The following MYO1G variants were observed in gnomAD, a reference collection of about 807,000 sequenced individuals.
MYO1G encodes the protein unconventional myosin-Ig.
MYO1G carries 65 observed loss-of-function variants against 115.3 expected under a neutral mutation model. The ratio of observed to expected loss-of-function variants is 0.56; its 90% CI spans 0.46 to 0.69. The LOEUF (loss-of-function observed/expected upper bound fraction) is 0.69. MYO1G is among the 30% of genes least tolerant of loss of function. The probability of loss-of-function intolerance (pLI) is 0.00; values close to 1 mark genes in which losing one functional copy is unlikely to be tolerated. For synonymous variants in MYO1G, 510 were observed against 552.6 expected, an observed-to-expected ratio of 0.92 and a Z score of 1.08; for missense variants, 1,204 against 1,393.5, an observed-to-expected ratio of 0.86 and a Z score of 2.16.
rs776693838 is a variant in MYO1G, at chr7:44,962,814, C to G, written c.2982G>C (p.Glu994Asp). The change falls in exon 22 of 22, where the codon GAG (glutamate) becomes GAC (aspartate). Residue 994 changes from glutamate (E) to aspartate (D), a missense_variant. Transcript: ENST00000258787. This position sits in a 1 kb window ranked among gnomAD's most constrained non-coding sequence, Gnocchi z 5.3. The part of the protein sequence containing the change: ...HRGVRRLISV[E>D]PRPEQPEPDF... ...CGGGCTCTGGCTGCTCCGGCCTGGG[C>G]TCCACGGAGATGAGGCGCCGGACCC... The G allele has an allele frequency of 1.2e-4, 180 of 1,521,896 alleles. No individual in the cohort carries two copies. The highest frequency in any genetic ancestry group is 3.7e-4 in the Middle Eastern group (2 of 5,352). 94.3% of individuals were successfully genotyped at this position (1,521,896 alleles called of 1,614,324 possible).
Position 44,970,812 on chromosome 7 carries a change from C to T in MYO1G, c.1071+23G>A, listed in dbSNP as rs368751834. On this transcript the variant is annotated intron_variant, in intron 8 of 21. Coordinates refer to ENST00000258787, the MANE Select transcript of MYO1G (RefSeq NM_033054.3). ...CCATGAAGGCCTCCTGGGCTTCCCT[C>T]CCTGTGCCTGCCCCCAAAGTACCTT... 58 of 1,613,496 alleles carry T rather than the reference C, an allele frequency of 3.6e-5. 1 individual carries two copies. In the Admixed American group the frequency reaches 6.5e-4, roughly 18 times the overall value.
At position 44,969,049 on chromosome 7, in the gene MYO1G, G is replaced by T; in HGVS notation, c.1574+364C>A. 4.1e-6 allele frequency: 1 copy of T among 245,254 alleles called. No individual in the cohort carries two copies. The highest frequency in any genetic ancestry group is 9.6e-5 in the East Asian group (1 of 10,412). The allele number at this position is 245,254 out of a possible 1,614,324, so 15.2% of individuals were successfully genotyped here. On this transcript the variant is annotated intron_variant, in intron 12 of 21. Transcript: ENST00000258787. This position sits in a 1 kb window ranked among gnomAD's most constrained non-coding sequence, Gnocchi z 5.0. ...GTAGCGAGGCCTCACCTGGGAGCTT[G>T]TTAGAAATGCAGAATCTTGGCCCCC...
intron 7 of MYO1G, among the ~76,000 whole-genome samples, chr7:44,971,307 C>T (rs1018428049): frequency 6.6e-6 from 1 of 152,160 alleles, no homozygotes; most frequent in Non-Finnish European, 1.5e-5. Context: ...TGTGAATGAC[C>T]CCATCGCATC....
rs1423036709 is a variant in MYO1G at position 44,970,096 on chromosome 7, G to T, written c.1276C>A (p.Leu426Ile). The T allele has an allele frequency of 9.3e-6, 15 of 1,613,976 alleles. No individual in the cohort carries two copies. The highest frequency in any genetic ancestry group is 1.2e-5 in the Non-Finnish European group (14 of 1,180,026). The change falls in exon 10 of 22, where the codon CTC becomes ATC. Residue 426 changes from leucine to isoleucine, a missense_variant. By Grantham distance (5) the Leu-to-Ile change is conservative. Coordinates refer to ENST00000258787, the MANE Select transcript of MYO1G (RefSeq NM_033054.3). Reference protein sequence around the residue: ...NEKLQQLFIQLILKQEQEEYE... With the variant: ...NEKLQQLFIQIILKQEQEEYE... ...TCTTCCTGTTCCTGCTTCAGGATGAGCTGGATGAATAGCTGCTGCAGCTTC... is the reference window on the plus strand; with the variant it reads ...TCTTCCTGTTCCTGCTTCAGGATGATCTGGATGAATAGCTGCTGCAGCTTC...
In MYO1G at chr7:44,977,210, G is replaced by A. The variant is rs554491015; in HGVS notation, c.96-139C>T. The A allele has an allele frequency of 2.6e-5, 20 of 775,380 alleles. No homozygotes were observed. The East Asian group carries it at 4.0e-4, about 16-fold the overall frequency. The allele number at this position is 775,380 out of a possible 1,614,324, so 48.0% of individuals were successfully genotyped here. On this transcript the variant is annotated intron_variant, in intron 1 of 21. Transcript: ENST00000258787. ...GGGCTGAGAGTGGAGAAGGAAGAAG[G>A]GGGCAGGTGTTGACCTTGCGTCTCC...
At position 44,966,440 on chromosome 7, in the gene MYO1G, A is replaced by C. The variant is rs1441472836; in HGVS notation, c.1950-160T>G. 6.1e-6 allele frequency: 5 copies of C among 818,932 alleles called. No individual in the cohort carries two copies. Among genetic ancestry groups the C allele is most frequent in the Non-Finnish European group, 8.1e-6 (4 of 491,870 alleles). The allele number at this position is 818,932 out of a possible 1,614,324, so 50.7% of individuals were successfully genotyped here. On this transcript the variant is annotated intron_variant, in intron 15 of 21. Coordinates refer to ENST00000258787, the MANE Select transcript of MYO1G (RefSeq NM_033054.3). This position sits in a 1 kb window ranked among gnomAD's most constrained non-coding sequence, Gnocchi z 5.0. ...TATGTCTTCCCATACACATGTCCTC[A>C]CATACATGTCCTCACACAGCCCTCA... is the stretch of plus-strand genomic sequence containing the variant.
In MYO1G at chr7:44,972,187, CAGTTCATGCAGCTGCTTGT is replaced by C. The variant is rs1283320114; in HGVS notation, c.638_656del (p.Asp213GlyfsTer21). The C allele has an allele frequency of 3.7e-6, 6 of 1,613,976 alleles. No individual in the cohort carries two copies. The highest frequency in any genetic ancestry group is 1.3e-5 in the African/African-American group (1 of 74,932). ...ATACAGCAGGGTTTCTCTCCAAGTG[CAGTTCATGCAGCTGCTTGT>C]CCTCACTGCCTCTCAGCAACTAGAG... On this transcript the variant is annotated frameshift_variant, in exon 6 of 22. Coordinates refer to ENST00000258787, the MANE Select transcript of MYO1G (RefSeq NM_033054.3). LOFTEE classifies it high-confidence loss of function.
Position 44,967,962 on chromosome 7 carries a change from C to A in MYO1G, c.1575-4G>T, listed in dbSNP as rs1455362563. ...GATGAAGCCTTCCACGGAGTACCTA[C>A]CAGAAGCCAGGGCTGGTGAGGGAGC... On this transcript the variant is annotated splice_region_variant and splice_polypyrimidine_tract_variant and intron_variant, in intron 12 of 21. Coordinates refer to ENST00000258787, the MANE Select transcript of MYO1G (RefSeq NM_033054.3). 2 of 1,613,608 alleles carry A rather than the reference C, an allele frequency of 1.2e-6. No individual in the cohort carries two copies. The highest frequency in any genetic ancestry group is 2.2e-5 in the East Asian group (1 of 44,894).
chr7:44,965,069 A>G lies in MYO1G; in HGVS notation c.2402T>C (p.Val801Ala). 6.2e-7 allele frequency: 1 copy of G among 1,608,414 alleles called. No homozygotes were observed. Among genetic ancestry groups the G allele is most frequent in the Non-Finnish European group, 8.5e-7 (1 of 1,176,334 alleles). The change falls in exon 18 of 22, where the codon GTG (valine) becomes GCG (alanine). Residue 801 changes from valine to alanine, a missense_variant. Coordinates refer to ENST00000258787, the MANE Select transcript of MYO1G (RefSeq NM_033054.3). ...CATGTCTGAAGGGGGGATGTTCTTC[A>G]CCAGCTGCCGGGCCCGCCACCTGGG... Reference protein sequence around the residue: ...LFCRWRARQLVKNIPPSDMPQ... With the variant: ...LFCRWRARQLAKNIPPSDMPQ...
intron 17 of MYO1G, 27 bp from the exon 18 acceptor site, chr7:44,965,116 A>T: frequency 6.3e-7 from 1 of 1,588,440 alleles, no homozygotes; most frequent in African/African-American, 1.3e-5. Context: ...AGTCAGACAG[A>T]TGCTGGCCAT....
In MYO1G at chr7:44,969,415, G is replaced by A. The variant is rs2128701880; in HGVS notation, c.1572C>T (p.Val524=). 4 of 1,613,698 alleles carry A rather than the reference G, an allele frequency of 2.5e-6. No homozygotes were observed. In the East Asian group the frequency reaches 8.9e-5, roughly 36 times the overall value. ...TGTGGGTGGGAGGGGGCCCTTACGT[G>A]ACGTCCCCTGCATAGTGCTTGATCC... The part of the protein sequence containing the change: ...DFRIKHYAGD[V]TYSVEGFIDK... Residue 524 remains valine, a splice_region_variant and synonymous_variant, in exon 12 of 22, where the codon GTC becomes GTT. Transcript: ENST00000258787. This position sits in a 1 kb window ranked among gnomAD's most constrained non-coding sequence, Gnocchi z 5.0.
Position 44,977,010 on chromosome 7 carries a change from G to T in MYO1G, c.157C>A (p.Gln53Lys), listed in dbSNP as rs201545083. ...GEVLVSVNPY[Q>K]ELPLYGPEAI... ...TCAGGCCCATACAGGGGCAGCTCCTGGTAGGGGTTCACGGACACCAGCACC... is the reference window on the plus strand; with the variant it reads ...TCAGGCCCATACAGGGGCAGCTCCTTGTAGGGGTTCACGGACACCAGCACC... The change falls in exon 2 of 22, where the codon CAG becomes AAG. Residue 53 changes from glutamine (Q) to lysine (K), a missense_variant. Coordinates refer to ENST00000258787, the MANE Select transcript of MYO1G (RefSeq NM_033054.3). The T allele has an allele frequency of 1.6e-5, 26 of 1,613,662 alleles. No individual in the cohort carries two copies. The highest frequency in any genetic ancestry group is 2.2e-5 in the East Asian group (1 of 44,892).
chr7:44,970,805 C>T (rs894774315), intron 8 of MYO1G, 30 bp downstream of exon 8: 1 of 1,613,548 alleles, frequency 6.2e-7, no homozygotes, highest in Admixed American at 1.7e-5. Flanking sequence ...GCCTCCTGGG[C>T]TTCCCTCCCT....
chr7:44,964,843 C>A lies in MYO1G; in HGVS notation c.2526+102G>T. ...GGCCACCAGGACAGACAACCCCAGGCCTGGGAGAGGACATCTGAGGGGACC... is the reference window on the plus strand; with the variant it reads ...GGCCACCAGGACAGACAACCCCAGGACTGGGAGAGGACATCTGAGGGGACC... On this transcript the variant is annotated intron_variant, in intron 18 of 21. Transcript: ENST00000258787. This position sits in a 1 kb window ranked among gnomAD's most constrained non-coding sequence, Gnocchi z 5.1. 1 of 1,492,436 alleles carries A rather than the reference C, an allele frequency of 6.7e-7. No homozygotes were observed. Among genetic ancestry groups the A allele is most frequent in the Admixed American group, 2.1e-5 (1 of 47,600 alleles). The allele number at this position is 1,492,436 out of a possible 1,614,324, so 92.4% of individuals were successfully genotyped here.
At position 44,964,806 on chromosome 7, in the gene MYO1G, GC is replaced by G; in HGVS notation, c.2526+138del. 3 of 1,291,544 alleles carry G rather than the reference GC, an allele frequency of 2.3e-6. No homozygotes were observed. In the South Asian group the frequency reaches 4.3e-5, roughly 18 times the overall value. The allele number at this position is 1,291,544 out of a possible 1,614,324, so 80.0% of individuals were successfully genotyped here. ...GAGACCTTGCAGAGCTCTGGTGGGG[GC>G]TGAGGTACAGGGCCACCAGGACAGA... On this transcript the variant is annotated intron_variant, in intron 18 of 21. Transcript: ENST00000258787. This position sits in a 1 kb window ranked among gnomAD's most constrained non-coding sequence, Gnocchi z 5.1.
At chr7:44,972,485 TA>T in intron 5 of MYO1G, 1 of 459,290 alleles carries the variant, frequency 2.2e-6, no homozygotes, top group South Asian at 2.1e-5. Context: ...CTCATCTTGG[TA>T]GGGAGCTCAG....
intron 5 of MYO1G, 26 bp from the exon 6 acceptor site, chr7:44,972,251 CAAAT>C (rs1346416570): frequency 6.5e-7 from 1 of 1,541,808 alleles, no homozygotes; most frequent in Non-Finnish European, 9.0e-7. Flanking sequence ...ATCCTTTAGA[CAAAT>C]AAGCTCCCAG....
Position 44,964,350 on chromosome 7 carries a change from C to T in MYO1G, c.2631+65G>A. ...CCCCCCCAAAACTCTGCACCAGCTTCTAACCTTGCAGACGTGGCTAGAAAA... is the reference window on the plus strand; with the variant it reads ...CCCCCCCAAAACTCTGCACCAGCTTTTAACCTTGCAGACGTGGCTAGAAAA... On this transcript the variant is annotated intron_variant, in intron 19 of 21. Coordinates refer to ENST00000258787, the MANE Select transcript of MYO1G (RefSeq NM_033054.3). The surrounding 1 kb of genome is among the most constrained non-coding windows in gnomAD (Gnocchi z 5.1). 6.6e-7 allele frequency: 1 copy of T among 1,514,082 alleles called. No homozygotes were observed. 93.8% of individuals were successfully genotyped at this position (1,514,082 alleles called of 1,614,324 possible).
At chr7:44,975,016 G>A in intron 5 of MYO1G, 158 bp downstream of exon 5, 1 of 754,630 alleles carries the variant, frequency 1.3e-6, no homozygotes, top group East Asian at 2.4e-5. Flanking sequence ...TACTGGTTGG[G>A]GTGAGTGTGG....
Sources: gnomAD v4.1 joint callset for allele counts (sites outside exome capture counted in the v4.1 genomes callset) on GRCh38, gnomAD v4.1.1 for gene constraint, Gnocchi (gnomAD v3.1) non-coding constraint, MANE v1.5 for transcripts, NCBI Gene and HGNC (gene_info 2026-07-23, HGNC 2026-07-21) for gene names.